Variants in DOCK1 observed in about 807,000 individuals in gnomAD.
DOCK1 encodes dedicator of cytokinesis protein 1.
A neutral mutation model predicts 262.7 loss-of-function variants in DOCK1; 138 were observed. The ratio of observed to expected loss-of-function variants is 0.53; its 90% CI spans 0.46 to 0.61. DOCK1 has a LOEUF of 0.61. Ranked by LOEUF, DOCK1 falls within the 20% of genes least tolerant of loss-of-function variation. The probability of loss-of-function intolerance (pLI) is 0.00; values close to 1 mark genes in which losing one functional copy is unlikely to be tolerated. For missense variants in DOCK1, 1,908 were observed against 2,370.7 expected (o/e 0.80, Z 4.05); for synonymous variants, 866 against 867.4 (o/e 1.00, Z 0.03).
intron 23 of DOCK1, among the ~76,000 whole-genome samples, chr10:127,097,152 T>G (rs1355773419): frequency 6.6e-6 from 1 of 152,202 alleles, no homozygotes; most frequent in Non-Finnish European, 1.5e-5. Context: ...CTGAAGTATT[T>G]CAGCAATTAG....
chr10:127,245,629 C>G lies in DOCK1; in HGVS notation c.2848-2379C>G, dbSNP rs115656860. Among the ~76,000 whole-genome samples, 1,509 of 152,316 alleles carry G rather than the reference C, an allele frequency of 9.9e-3. 37 individuals carry two copies. The highest frequency in any genetic ancestry group is 0.034 in the African/African-American group (1,425 of 41,564). ...GGCATTTGTTGCCTTGCATGAATTT[C>G]TCCGCATGACGTGACAGTCTGCTGC... is the stretch of plus-strand genomic sequence containing the variant. On this transcript the variant is annotated intron_variant, in intron 27 of 51. Transcript: ENST00000623213.
chr10:126,946,449 A>C (rs2035412531), intron 1 of DOCK1, among the ~76,000 whole-genome samples: 2 of 152,164 alleles, frequency 1.3e-5, no homozygotes, highest in African/African-American at 4.8e-5. Flanking sequence ...TGGGAGGCTG[A>C]GGCAGGAGAA....
Position 127,354,555 on chromosome 10 carries a change from T to C in DOCK1, c.3225-114T>C. 4.2e-6 allele frequency: 5 copies of C among 1,183,560 alleles called. 1 individual carries two copies. The Middle Eastern group carries it at 8.2e-4, about 193-fold the overall frequency. 73.3% of individuals were successfully genotyped at this position (1,183,560 alleles called of 1,614,324 possible). On this transcript the variant is annotated intron_variant, in intron 31 of 51. Transcript: ENST00000623213. Reference sequence around the variant, plus strand: ...GCAAGAGAAGTTGAAGCTTTGACACTCTCTTTATTTGCCTCAGTGCTAGAA... The same window carrying C: ...GCAAGAGAAGTTGAAGCTTTGACACCCTCTTTATTTGCCTCAGTGCTAGAA...
intron 27 of DOCK1, among the ~76,000 whole-genome samples, chr10:127,202,565 T>C (rs1379604070): frequency 6.6e-6 from 1 of 151,994 alleles, no homozygotes. Context: ...TCCACAGGCA[T>C]GGAAGAGGGA....
intron 27 of DOCK1, among the ~76,000 whole-genome samples, chr10:127,239,090 T>C (rs958091504): frequency 2.0e-5 from 3 of 152,188 alleles, no homozygotes; most frequent in African/African-American, 7.2e-5. Flanking sequence ...ACTGCAGAAT[T>C]CCTCGTGGGT....
chr10:127,244,085 C>T (rs985803296), intron 27 of DOCK1, among the ~76,000 whole-genome samples: 4 of 152,086 alleles, frequency 2.6e-5, no homozygotes, highest in Non-Finnish European at 5.9e-5. Flanking sequence ...CATCATAACA[C>T]AAGTTATGAT....
intron 23 of DOCK1, among the ~76,000 whole-genome samples, chr10:127,076,125 T>G (rs1458033394): frequency 1.3e-5 from 2 of 151,986 alleles, no homozygotes; most frequent in Non-Finnish European, 2.9e-5. Flanking sequence ...CAAATCAGCA[T>G]CCAAGGAGTT....
chr10:127,297,813 G>C (rs1044599042), intron 29 of DOCK1, among the ~76,000 whole-genome samples: 5 of 152,150 alleles, frequency 3.3e-5, no homozygotes, highest in Admixed American at 6.5e-5. Flanking sequence ...TTAGCAGAAA[G>C]TGATGACAGC....
chr10:127,225,740 A>G (rs2058610605), intron 27 of DOCK1, among the ~76,000 whole-genome samples: 1 of 152,204 alleles, frequency 6.6e-6, no homozygotes, highest in African/African-American at 2.4e-5. Flanking sequence ...GAAATTATGT[A>G]CAACAGTGGA....
rs183628873 is a variant in DOCK1 at position 127,213,189 on chromosome 10, G to A, written c.2848-34819G>A. Among the ~76,000 whole-genome samples the A allele has an allele frequency of 4.9e-3, 745 of 152,312 alleles. 9 individuals carry two copies. The highest frequency in any genetic ancestry group is 0.017 in the African/African-American group (713 of 41,556). ...AAAGCTCAGAATATTGTTGGGAAGG[G>A]AAGAGAGAGAAAAATGTTTTCTTTG... is the stretch of plus-strand genomic sequence containing the variant. On this transcript the variant is annotated intron_variant, in intron 27 of 51. Coordinates refer to ENST00000623213, the MANE Select transcript of DOCK1 (RefSeq NM_001290223.2).
intron 21 of DOCK1, among the ~76,000 whole-genome samples, chr10:127,051,505 A>G (rs1332759953): frequency 6.6e-6 from 1 of 152,216 alleles, no homozygotes; most frequent in African/African-American, 2.4e-5. Context: ...ATGCTTTCCA[A>G]TAACAAATAC....
chr10:127,285,239 A>G (rs1353292472), intron 29 of DOCK1, among the ~76,000 whole-genome samples: 1 of 152,372 alleles, frequency 6.6e-6, no homozygotes, highest in Non-Finnish European at 1.5e-5. Flanking sequence ...AATGTAATTT[A>G]AAATCATTCT....
intron 19 of DOCK1, 22 bp downstream of exon 19, chr10:127,037,838 C>G (rs1474675453): frequency 1.6e-6 from 2 of 1,215,164 alleles, no homozygotes; most frequent in Non-Finnish European, 2.2e-6. Flanking sequence ...CCCAAAGGGA[C>G]TTTTTGGGTC....
At chr10:127,387,313 C>T (rs1241350613) in intron 38 of DOCK1, among the ~76,000 whole-genome samples, 6 of 152,190 alleles carry the variant, frequency 3.9e-5, no homozygotes, top group Middle Eastern at 3.2e-3. Context: ...GCCTTGAGGA[C>T]GTTGCTTGAG....
chr10:127,057,082 T>G lies in DOCK1; in HGVS notation c.2336+4267T>G, dbSNP rs116246709. Among the ~76,000 whole-genome samples the G allele has an allele frequency of 3.9e-3, 587 of 152,184 alleles. 1 individual carries two copies. The highest frequency in any genetic ancestry group is 0.013 in the African/African-American group (554 of 41,500). On this transcript the variant is annotated intron_variant, in intron 22 of 51. Coordinates refer to ENST00000623213, the MANE Select transcript of DOCK1 (RefSeq NM_001290223.2). ...GTTTTCCTAGCTTGTATAGGCTACT[T>G]AAAGGAAAAAGAGCCCCACGTCCCA...
chr10:126,962,155 G>A lies in DOCK1; in HGVS notation c.47-8547G>A, dbSNP rs1346687386. Among the ~76,000 whole-genome samples the A allele has an allele frequency of 6.5e-5, 9 of 138,850 alleles. No homozygotes were observed. The East Asian group carries it at 2.0e-3, about 31-fold the overall frequency. The allele number at this position is 138,850 out of a possible 152,430, so 91.1% of individuals were successfully genotyped here. A position where few individuals can be genotyped will look rare whatever the true frequency, so the allele number is the denominator to read the frequency against. ...TGGGACTACAGGCATGTACCACCAT[G>A]CCCGACTCTTTTTTTTTTTTTGAGA... is the stretch of plus-strand genomic sequence containing the variant. On this transcript the variant is annotated intron_variant, in intron 1 of 51. Transcript: ENST00000623213.
intron 27 of DOCK1, among the ~76,000 whole-genome samples, chr10:127,177,476 TGTGA>T (rs879061390): frequency 6.6e-6 from 1 of 152,368 alleles, no homozygotes; most frequent in Admixed American, 6.5e-5. Flanking sequence ...GTGTGTTGTT[TGTGA>T]GTGAGGCTTC....
intron 29 of DOCK1, among the ~76,000 whole-genome samples, chr10:127,315,201 G>C (rs1373386017): frequency 6.6e-6 from 1 of 152,116 alleles, no homozygotes; most frequent in Non-Finnish European, 1.5e-5. Flanking sequence ...GTGTTAACAA[G>C]GAAAAATAAC....
rs150283685 is a variant in DOCK1 at position 127,409,230 on chromosome 10, T to G, written c.4264+52T>G. On this transcript the variant is annotated intron_variant, in intron 41 of 51. Transcript: ENST00000623213. ...TCTGAAACCATGGTGATGCCATTCA[T>G]TTGGGTGGTTGGGTGTGGTGGGGGG... 1.5e-3 allele frequency: 2,386 copies of G among 1,612,154 alleles called. 38 individuals are homozygous for G. The African/African-American group carries it at 0.028, about 19-fold the overall frequency.
Sources: allele counts gnomAD v4.1 joint callset (sites outside exome capture counted in the v4.1 genomes callset), GRCh38; gene constraint gnomAD v4.1.1; transcripts MANE v1.5; gene names NCBI Gene and HGNC (gene_info 2026-07-23, HGNC 2026-07-21).